CHODL: variants seen among roughly 807,000 people sequenced by gnomAD.
CHODL encodes the protein transmembrane protein MT75.
CHODL carries 29 observed loss-of-function variants against 34.5 expected under a neutral mutation model. That is an observed-to-expected ratio of 0.84 (90% CI 0.63 to 1.15). The LOEUF (loss-of-function observed/expected upper bound fraction) is 1.15. Among genes scored for constraint, CHODL ranks in the 50% most tolerant of loss-of-function variants. The pLI is 0.00. For synonymous variants in CHODL, 125 were observed against 116.1 expected (o/e 1.08, Z -0.49); for missense variants, 332 against 332.5 (o/e 1.00, Z 0.01).
intron 1 of CHODL, among the ~76,000 whole-genome samples, chr21:18,255,557 C>A (rs1005500001): frequency 6.6e-6 from 1 of 151,976 alleles, no homozygotes; most frequent in African/African-American, 2.4e-5. Flanking sequence ...ACCAGTTTGG[C>A]CAAATTTCAG....
intron 1 of CHODL, among the ~76,000 whole-genome samples, chr21:17,929,145 T>C (rs904713093): frequency 1.1e-4 from 16 of 152,184 alleles, no homozygotes; most frequent in African/African-American, 3.6e-4. Flanking sequence ...AAACAATTTC[T>C]TTTTTTATCC....
chr21:18,079,167 C>A (rs1212210814), intron 2 of CHODL, among the ~76,000 whole-genome samples: 2 of 151,934 alleles, frequency 1.3e-5, no homozygotes, highest in African/African-American at 4.8e-5. Flanking sequence ...TTATTCTTCT[C>A]TGTATGTCCA....
At chr21:18,206,390 C>T (rs973924080) in intron 2 of CHODL, among the ~76,000 whole-genome samples, 2 of 152,024 alleles carry the variant, frequency 1.3e-5, no homozygotes, top group African/African-American at 4.8e-5. Flanking sequence ...TTTATAGTAA[C>T]CTTTCTTGTC....
At chr21:18,064,754 C>G (rs915494014) in intron 2 of CHODL, among the ~76,000 whole-genome samples, 2 of 152,092 alleles carry the variant, frequency 1.3e-5, no homozygotes, top group Non-Finnish European at 2.9e-5. Flanking sequence ...TCTCTCCGCA[C>G]ACACACATGC....
intron 1 of CHODL, among the ~76,000 whole-genome samples, chr21:17,927,038 ATATG>A (rs544942037): frequency 8.3e-4 from 126 of 151,490 alleles, no homozygotes; most frequent in African/African-American, 2.9e-3. Context: ...GCATATATGT[ATATG>A]TATGCATATA....
At chr21:18,265,342 A>G (rs1378253455) in intron 5 of CHODL, among the ~76,000 whole-genome samples, 2 of 151,708 alleles carry the variant, frequency 1.3e-5, no homozygotes, top group Non-Finnish European at 2.9e-5. Flanking sequence ...CTACTCATCC[A>G]TACAAAGGAG....
intron 2 of CHODL, among the ~76,000 whole-genome samples, chr21:18,123,621 T>C (rs948085380): frequency 2.0e-5 from 3 of 152,120 alleles, no homozygotes; most frequent in African/African-American, 4.8e-5. Flanking sequence ...AATTTCATTA[T>C]TTTATCAGGA....
chr21:17,939,915 G>T (rs749566347), intron 1 of CHODL, among the ~76,000 whole-genome samples: 1 of 152,210 alleles, frequency 6.6e-6, no homozygotes, highest in Non-Finnish European at 1.5e-5. Context: ...AAGTGAAAAA[G>T]TGGAGGGTGT....
chr21:17,958,474 C>T (rs1383472236), intron 1 of CHODL, among the ~76,000 whole-genome samples: 1 of 152,096 alleles, frequency 6.6e-6, no homozygotes, highest in Non-Finnish European at 1.5e-5. Context: ...TTCTCCCAAC[C>T]CCCTTCTAAT....
At chr21:18,070,883 G>C (rs1361935716) in intron 2 of CHODL, among the ~76,000 whole-genome samples, 1 of 150,862 alleles carries the variant, frequency 6.6e-6, no homozygotes, top group African/African-American at 2.4e-5. Flanking sequence ...TAGTATTATA[G>C]TATCCTTTTT....
chr21:18,221,787 G>A (rs1261964907), intron 2 of CHODL, among the ~76,000 whole-genome samples: 1 of 152,194 alleles, frequency 6.6e-6, no homozygotes. Context: ...ATTAGTGGTG[G>A]CAGGCCCCTG....
rs140281588 is a variant in CHODL, at chr21:17,944,984, G to A, written c.-145+27584G>A. ...CCAGCACTTTGGAGGGCCAAGGCGG[G>A]TGGATCACAGGGTCCGGAGATCGAG... On this transcript the variant is annotated intron_variant, in intron 1 of 6. Coordinates refer to the CHODL transcript ENST00000400127. 3.7e-3 allele frequency among the ~76,000 whole-genome samples: 561 copies of A among 152,302 alleles called. 1 individual carries two copies. The highest frequency in any genetic ancestry group is 6.3e-3 in the Non-Finnish European group (427 of 68,038).
chr21:18,183,194 G>A (rs2073402504), intron 2 of CHODL, among the ~76,000 whole-genome samples: 1 of 152,130 alleles, frequency 6.6e-6, no homozygotes, highest in African/African-American at 2.4e-5. Context: ...GTTTTTTGGG[G>A]GGTGGCCCCT....
chr21:18,093,828 G>A lies in CHODL; in HGVS notation c.-45+65857G>A, dbSNP rs141594508. 1.6e-4 allele frequency among the ~76,000 whole-genome samples: 24 copies of A among 152,032 alleles called. No homozygotes were observed. The East Asian group carries it at 3.7e-3, about 23-fold the overall frequency. ...GGAAGGAAGGAAAGAAGAAAGAGACGACTGGGAAACAACCTGAAAACACAT... is the reference window on the plus strand; with the variant it reads ...GGAAGGAAGGAAAGAAGAAAGAGACAACTGGGAAACAACCTGAAAACACAT... On this transcript the variant is annotated intron_variant, in intron 2 of 6. Transcript: ENST00000400127.
At chr21:17,948,353 A>G (rs2063429353) in intron 1 of CHODL, among the ~76,000 whole-genome samples, 1 of 152,018 alleles carries the variant, frequency 6.6e-6, no homozygotes, top group Non-Finnish European at 1.5e-5. Context: ...GAAAGATCTT[A>G]AATAAACAAG....
At position 18,266,161 on chromosome 21, in the gene CHODL, C is replaced by G. The variant is rs747336905; in HGVS notation, c.*123C>G. 3 of 1,577,232 alleles carry G rather than the reference C, an allele frequency of 1.9e-6. No individual in the cohort carries two copies. The African/African-American group carries it at 4.1e-5, about 21-fold the overall frequency. On this transcript the variant is annotated 3_prime_UTR_variant, in exon 6 of 6. Transcript: ENST00000299295. ...CTGCAAGATGAACTGTAAGCTCCCC[C>G]TTGAGGCAAATATTAAAGTAATTTT...
chr21:18,229,894 A>G (rs1382084428), intron 2 of CHODL, among the ~76,000 whole-genome samples: 1 of 152,168 alleles, frequency 6.6e-6, no homozygotes, highest in African/African-American at 2.4e-5. Flanking sequence ...TTCGCAAAGA[A>G]GAAGTTTCCT....
At position 18,109,985 on chromosome 21, in the gene CHODL, C is replaced by A. The variant is rs1321460499; in HGVS notation, c.-45+82014C>A. Among the ~76,000 whole-genome samples the A allele has an allele frequency of 3.9e-5, 6 of 152,186 alleles. No individual in the cohort carries two copies. In the East Asian group the frequency reaches 1.2e-3, roughly 29 times the overall value. ...AAAAACTATAGTTATACCTACAAAG[C>A]CAACAAGGGGAAAAAATAATGTGCT... On this transcript the variant is annotated intron_variant, in intron 2 of 6. Transcript: ENST00000400127.
intron 1 of CHODL, among the ~76,000 whole-genome samples, chr21:17,959,284 T>C (rs984761875): frequency 6.6e-6 from 1 of 152,172 alleles, no homozygotes; most frequent in African/African-American, 2.4e-5. Flanking sequence ...AATGAATCCA[T>C]CCCTAATGTC....
Sources: allele counts gnomAD v4.1 joint callset (sites outside exome capture counted in the v4.1 genomes callset), GRCh38; gene constraint gnomAD v4.1.1; transcripts MANE v1.5; gene names NCBI Gene and HGNC (gene_info 2026-07-23, HGNC 2026-07-21).